The following AATK variants were observed in gnomAD, a reference collection of about 807,000 sequenced individuals.
AATK encodes lemur tail kinase 1.
In AATK, 91 loss-of-function variants were observed where a neutral mutation model predicts 114.3. That is an observed-to-expected ratio of 0.80 (90% CI 0.67 to 0.95). The LOEUF is 0.95. Among genes scored for constraint, AATK ranks in the 40% least tolerant of loss-of-function variants. The pLI, the probability that AATK is intolerant of heterozygous loss-of-function variation, is 0.00. For synonymous variants in AATK, 1,075 were observed against 916.5 expected, an observed-to-expected ratio of 1.17 and a Z score of -3.12; for missense variants, 2,176 against 1,965.2, an observed-to-expected ratio of 1.11 and a Z score of -2.03.
At position 81,121,411 on chromosome 17, in the gene AATK, G is replaced by A. The variant is rs534402157; in HGVS notation, c.2525C>T (p.Ser842Phe). 220 of 1,607,532 alleles carry A rather than the reference G, an allele frequency of 1.4e-4. 2 individuals are homozygous for A. In the South Asian group the frequency reaches 2.2e-3, roughly 16 times the overall value. ...AGAGCTGCTGCTGCCATTCAGGGCA[G>A]AAGCCAGCTTGATGGCAGACACCTC... Reference protein sequence around the residue: ...GGEVSAIKLASALNGSSSSPE... With the variant: ...GGEVSAIKLAFALNGSSSSPE... The change falls in exon 11 of 14, where the codon TCT (serine) becomes TTT (phenylalanine). Residue 842 changes from serine to phenylalanine, a missense_variant. Transcript: ENST00000326724.
rs751615190 is a variant in AATK, at chr17:81,122,523, G to A, written c.1413C>T (p.Thr471=). ...TGTACTCAAAATTGAGGCCTCGGCT[G>A]GTCTCGGTCACCGTCAGCACGTCGT... ...DGDDVLTVTE[T]SRGLNFEYKW... The change falls in exon 11 of 14, where the codon ACC becomes ACT. Residue 471 remains threonine (T), a synonymous_variant. Transcript: ENST00000326724. 14 of 1,481,052 alleles carry A rather than the reference G, an allele frequency of 9.5e-6. No individual in the cohort carries two copies. In the East Asian group the frequency reaches 1.2e-4, roughly 12 times the overall value. 91.7% of individuals were successfully genotyped at this position (1,481,052 alleles called of 1,614,324 possible).
chr17:81,164,848 G>A (rs1228523919), intron 1 of AATK, among the ~76,000 whole-genome samples: 1 of 152,142 alleles, frequency 6.6e-6, no homozygotes, highest in Non-Finnish European at 1.5e-5. Context: ...TCATTTCTGA[G>A]CAAGTGACAC....
Position 81,121,930 on chromosome 17 carries a change from G to C in AATK, c.2006C>G (p.Ala669Gly). The change falls in exon 11 of 14, where the codon GCG becomes GGG. Residue 669 changes from alanine (A) to glycine (G), a missense_variant. Coordinates refer to ENST00000326724, the MANE Select transcript of AATK (RefSeq NM_001080395.3). ...GTGCCCGCGCTGGGCGGCCCTCCGCGCTCCCACCTCCTCTAGCTCATCCTC... is the reference window on the plus strand; with the variant it reads ...GTGCCCGCGCTGGGCGGCCCTCCGCCCTCCCACCTCCTCTAGCTCATCCTC... Reference protein sequence around the residue: ...TGEDELEEVGARRAAQRGHWR... With the variant: ...TGEDELEEVGGRRAAQRGHWR... 11 of 1,600,526 alleles carry C rather than the reference G, an allele frequency of 6.9e-6. No homozygotes were observed. The highest frequency in any genetic ancestry group is 9.3e-6 in the Non-Finnish European group (11 of 1,178,234).
chr17:81,154,736 TCTC>T (rs1401836189), intron 1 of AATK, among the ~76,000 whole-genome samples: 1 of 143,104 alleles, frequency 7.0e-6, no homozygotes, highest in Non-Finnish European at 1.5e-5. Flanking sequence ...TTCAAGCAAT[TCTC>T]CTGCCTCAGC....
chr17:81,132,467 A>G (rs567507310), intron 2 of AATK, among the ~76,000 whole-genome samples: 168 of 152,316 alleles, frequency 1.1e-3, no homozygotes, highest in African/African-American at 3.7e-3. Flanking sequence ...ACAGCCACTC[A>G]GGGATGGGGG....
At chr17:81,140,735 G>C (rs2061114657) in intron 1 of AATK, among the ~76,000 whole-genome samples, 1 of 103,746 alleles carries the variant, frequency 9.6e-6, no homozygotes. Flanking sequence ...GTGAGCCGTG[G>C]GGCCGGGAGA....
chr17:81,158,951 C>T (rs1316788921), intron 1 of AATK, among the ~76,000 whole-genome samples: 3 of 152,150 alleles, frequency 2.0e-5, no homozygotes, highest in Admixed American at 1.3e-4. Flanking sequence ...ATACACACAG[C>T]GAAAACCTCA....
chr17:81,163,485 C>T (rs1288618678), intron 1 of AATK, among the ~76,000 whole-genome samples: 2 of 152,232 alleles, frequency 1.3e-5, no homozygotes, highest in African/African-American at 2.4e-5. Context: ...ATGTGCAGAA[C>T]GGATCTCAGA....
Position 81,119,959 on chromosome 17 carries a change from G to A in AATK, c.3860C>T (p.Pro1287Leu), listed in dbSNP as rs1414783248. Reference sequence around the variant, plus strand: ...ACCCTCTTCCGCTGTGGAGCCATTTGGGGAGCCATCAGCCTGCTGCGGCCG... The same window carrying A: ...ACCCTCTTCCGCTGTGGAGCCATTTAGGGAGCCATCAGCCTGCTGCGGCCG... ...PNRPQQADGSPNGSTAEEGGG... is the reference protein window; with the variant it reads ...PNRPQQADGSLNGSTAEEGGG... Residue 1287 changes from proline to leucine, a missense_variant, in exon 12 of 14, where the codon CCA becomes CTA. Coordinates refer to ENST00000326724, the MANE Select transcript of AATK (RefSeq NM_001080395.3). 3.4e-6 allele frequency: 5 copies of A among 1,449,898 alleles called. No individual in the cohort carries two copies. The highest frequency in any genetic ancestry group is 1.5e-5 in the African/African-American group (1 of 67,904). 89.8% of individuals were successfully genotyped at this position (1,449,898 alleles called of 1,614,324 possible). A position where few individuals can be genotyped will look rare whatever the true frequency, so the allele number is the denominator to read the frequency against.
At chr17:81,129,218 G>A (rs1333328982) in intron 3 of AATK, among the ~76,000 whole-genome samples, 1 of 152,248 alleles carries the variant, frequency 6.6e-6, no homozygotes, top group African/African-American at 2.4e-5. Context: ...CTGGCTGCCA[G>A]GAGAGCCCAG....
At chr17:81,161,763 C>T (rs1307709115) in intron 1 of AATK, among the ~76,000 whole-genome samples, 2 of 152,318 alleles carry the variant, frequency 1.3e-5, no homozygotes, top group East Asian at 3.9e-4. Flanking sequence ...CACGCCAGAA[C>T]TCTCCCGTGA....
rs1039417022 is a variant in AATK, at chr17:81,128,486, C to T, written c.398G>A (p.Arg133His). The change falls in exon 4 of 14, where the codon CGT (arginine) becomes CAT (histidine). Residue 133 changes from arginine (R) to histidine (H), a missense_variant. This residue lies in a region of AATK where 24 missense variants were observed against 50.9 expected (regional missense o/e 0.47). Transcript: ENST00000326724. Reference sequence around the variant, plus strand: ...GACACGTACCTTCCCGAACCAGCCACGGCCGATTTCCTTCAGGTACAGGAG... The same window carrying T: ...GACACGTACCTTCCCGAACCAGCCATGGCCGATTTCCTTCAGGTACAGGAG... Reference protein sequence around the residue: ...HSLLYLKEIGRGWFGKVFLGE... With the variant: ...HSLLYLKEIGHGWFGKVFLGE... The T allele has an allele frequency of 1.1e-5, 17 of 1,549,144 alleles. No homozygotes were observed. In the Admixed American group the frequency reaches 2.2e-4, roughly 20 times the overall value.
intron 3 of AATK, among the ~76,000 whole-genome samples, chr17:81,130,439 G>C (rs999946546): frequency 2.0e-5 from 3 of 152,176 alleles, no homozygotes; most frequent in Non-Finnish European, 4.4e-5. Context: ...ACCCTAGGAT[G>C]GGGGCAGATG....
In AATK at chr17:81,120,715, G is replaced by C. The variant is rs1225358723; in HGVS notation, c.3221C>G (p.Ser1074Trp). 6.5e-7 allele frequency: 1 copy of C among 1,549,408 alleles called. No homozygotes were observed. Among genetic ancestry groups the C allele is most frequent in the Admixed American group, 1.9e-5 (1 of 51,392 alleles). ...CTCCGGAGGCTCTGGGACCAGGCCC[G>C]AGGGGCAGGTGCTGGGCTCTGGGGA... ...GSSPEPSTCP[S>W]GLVPEPPEPQ... The change falls in exon 11 of 14, where the codon TCG (serine) becomes TGG (tryptophan). Residue 1074 changes from serine to tryptophan, a missense_variant. Coordinates refer to ENST00000326724, the MANE Select transcript of AATK (RefSeq NM_001080395.3).
rs71166127 is a variant in AATK, at chr17:81,152,844, A to ATTT, written c.55+13091_55+13093dup. On this transcript the variant is annotated intron_variant, in intron 1 of 13. Coordinates refer to ENST00000326724, the MANE Select transcript of AATK (RefSeq NM_001080395.3). ...GCACCTTCAAAACCAGCCCTGCTGA[A>ATTT]TTTTTTTTTTTTTTTTGAGACCAAG... Among the ~76,000 whole-genome samples the ATTT allele has an allele frequency of 3.4e-5, 5 of 145,080 alleles. No individual in the cohort carries two copies. The East Asian group carries it at 6.0e-4, about 17-fold the overall frequency.
At chr17:81,118,556 TGCA>T (rs2060602469) in intron 13 of AATK, 114 bp from the exon 14 acceptor site, 2 of 1,093,264 alleles carry the variant, frequency 1.8e-6, no homozygotes, top group Non-Finnish European at 1.4e-6. Flanking sequence ...GCCCCTTCCC[TGCA>T]GCAGATCTGG....
intron 1 of AATK, among the ~76,000 whole-genome samples, chr17:81,144,166 T>C (rs560458257): frequency 6.6e-6 from 1 of 152,336 alleles, no homozygotes; most frequent in Admixed American, 6.5e-5. Flanking sequence ...GGCAGCCTCT[T>C]TCACCTTTTG....
In AATK at chr17:81,126,855, T is replaced by A; in HGVS notation, c.622-295A>T. On this transcript the variant is annotated intron_variant, in intron 6 of 13. Transcript: ENST00000326724. This position sits in a 1 kb window ranked among gnomAD's most constrained non-coding sequence, Gnocchi z 5.1. The stretch of plus-strand genomic sequence containing the variant: ...GAGAAACACAGGGCCCAAGTGGATC[T>A]GCTTGATGGAGTCTGGGGCTGGTGG... 1 of 1,223,024 alleles carries A rather than the reference T, an allele frequency of 8.2e-7. No homozygotes were observed. Among genetic ancestry groups the A allele is most frequent in the East Asian group, 3.6e-5 (1 of 28,070 alleles). 75.8% of individuals were successfully genotyped at this position (1,223,024 alleles called of 1,614,324 possible). A position where few individuals can be genotyped will look rare whatever the true frequency, so the allele number is the denominator to read the frequency against.
rs2060693320 is a variant in AATK at position 81,121,073 on chromosome 17, G to A, written c.2863C>T (p.Gln955Ter). 1 of 1,607,346 alleles carries A rather than the reference G, an allele frequency of 6.2e-7. No homozygotes were observed. The highest frequency in any genetic ancestry group is 8.5e-7 in the Non-Finnish European group (1 of 1,177,020). The part of the protein sequence containing the change: ...ESPEFVLKEA[Q>*]EGCEPQAFAE... ...AAGGCCTGGGGCTCACACCCTTCCT[G>A]CGCCTCCTTGAGCACAAACTCAGGG... Residue 955 changes from glutamine to a stop codon, truncating the protein, a stop_gained, in exon 11 of 14, where the codon CAG becomes TAG. Transcript: ENST00000326724. LOFTEE classifies it high-confidence loss of function.
Sources: allele counts gnomAD v4.1 joint callset (sites outside exome capture counted in the v4.1 genomes callset), GRCh38; gene constraint gnomAD v4.1.1; regional missense constraint gnomAD v4.1.1; non-coding constraint Gnocchi (gnomAD v3.1); transcripts MANE v1.5; gene names NCBI Gene and HGNC (gene_info 2026-07-23, HGNC 2026-07-21).